Variants in CACHD1 observed in about 807,000 individuals in gnomAD.
The protein encoded by CACHD1 is cache domain containing 1.
In CACHD1, 71 loss-of-function variants were observed where a neutral mutation model predicts 138.7. That is an observed-to-expected ratio of 0.51 (90% CI 0.42 to 0.62). The LOEUF (loss-of-function observed/expected upper bound fraction) is 0.62, where lower values mean the gene tolerates loss of function less well. CACHD1 is among the 20% of genes least tolerant of loss of function. The pLI, the probability that CACHD1 is intolerant of heterozygous loss-of-function variation, is 0.00. For synonymous variants in CACHD1, 578 were observed against 591.5 expected, an observed-to-expected ratio of 0.98 and a Z score of 0.33; for missense variants, 1,389 against 1,625.3, an observed-to-expected ratio of 0.85 and a Z score of 2.50.
At chr1:64,569,644 G>A (rs1255497294) in intron 2 of CACHD1, among the ~76,000 whole-genome samples, 1 of 152,124 alleles carries the variant, frequency 6.6e-6, no homozygotes, top group Non-Finnish European at 1.5e-5. Context: ...CCAGCTGAAG[G>A]AAACACACTG....
intron 1 of CACHD1, among the ~76,000 whole-genome samples, chr1:64,539,624 G>A (rs544681015): frequency 6.6e-6 from 1 of 152,230 alleles, no homozygotes; most frequent in African/African-American, 2.4e-5. Context: ...TCCTTTGTAA[G>A]TTGAGGCCAA....
At chr1:64,683,686 A>G (rs1301986984) in intron 26 of CACHD1, among the ~76,000 whole-genome samples, 1 of 152,216 alleles carries the variant, frequency 6.6e-6, no homozygotes, top group Non-Finnish European at 1.5e-5. Flanking sequence ...AATTGGATCC[A>G]TGTTATCCCC....
chr1:64,596,920 A>G (rs1647157802), intron 3 of CACHD1, among the ~76,000 whole-genome samples: 1 of 152,084 alleles, frequency 6.6e-6, no homozygotes, highest in Non-Finnish European at 1.5e-5. Flanking sequence ...CTTGGAACTG[A>G]CACTGTGGGT....
intron 1 of CACHD1, among the ~76,000 whole-genome samples, chr1:64,548,184 G>T (rs1178901800): frequency 6.6e-6 from 1 of 152,242 alleles, no homozygotes; most frequent in Non-Finnish European, 1.5e-5. Flanking sequence ...GGAGAAGGAA[G>T]TATCTGATTT....
At chr1:64,577,412 AT>A (rs1646976738) in intron 2 of CACHD1, among the ~76,000 whole-genome samples, 3 of 152,228 alleles carry the variant, frequency 2.0e-5, no homozygotes, top group South Asian at 4.1e-4. Flanking sequence ...CCTGCCAAGC[AT>A]TTCACAACAT....
Position 64,646,850 on chromosome 1 carries a change from T to C in CACHD1, c.1157-951T>C, listed in dbSNP as rs545520433. Among the ~76,000 whole-genome samples, 14 of 152,336 alleles carry C rather than the reference T, an allele frequency of 9.2e-5. 1 individual carries two copies. The East Asian group carries it at 2.5e-3, about 27-fold the overall frequency. ...TCTATGTAGAAATGCTAAAGACATA[T>C]GTGGTAGATGAACCATGAAAGCTTC... On this transcript the variant is annotated intron_variant, in intron 8 of 26. Coordinates refer to ENST00000651257, the MANE Select transcript of CACHD1 (RefSeq NM_020925.4).
chr1:64,544,073 T>G (rs773026239), intron 1 of CACHD1, among the ~76,000 whole-genome samples: 4 of 152,066 alleles, frequency 2.6e-5, no homozygotes, highest in Non-Finnish European at 5.9e-5. Flanking sequence ...ACAGTGGTGA[T>G]CTATACTTTC....
chr1:64,560,615 C>G (rs1490258382), intron 2 of CACHD1, among the ~76,000 whole-genome samples: 2 of 151,794 alleles, frequency 1.3e-5, no homozygotes, highest in African/African-American at 2.4e-5. Context: ...TTTTATGGCT[C>G]TACATATGAT....
At chr1:64,494,733 G>A (rs1160353812) in intron 1 of CACHD1, among the ~76,000 whole-genome samples, 3 of 152,188 alleles carry the variant, frequency 2.0e-5, no homozygotes, top group African/African-American at 7.2e-5. Context: ...TTATTGGTAA[G>A]TAGAACTTAA....
chr1:64,483,198 A>C (rs12087064), intron 1 of CACHD1, among the ~76,000 whole-genome samples: 13,384 of 152,244 alleles, frequency 0.088, 1,420 homozygotes, highest in African/African-American at 0.26. Flanking sequence ...TCTAAGTATT[A>C]GTTGGTTCTA....
In CACHD1 at chr1:64,660,248, A is replaced by G. The variant is rs148734481; in HGVS notation, c.1951+1375A>G. 6.2e-3 allele frequency among the ~76,000 whole-genome samples: 948 copies of G among 152,288 alleles called. 6 individuals carry two copies. Among genetic ancestry groups the G allele is most frequent in the African/African-American group, 0.022 (914 of 41,558 alleles). On this transcript the variant is annotated intron_variant, in intron 13 of 26. Transcript: ENST00000651257. ...TTTGAAATTTGAGACAATAAATTACAATAGTTTTCTTGATGAAAAAGAAGC... is the reference window on the plus strand; with the variant it reads ...TTTGAAATTTGAGACAATAAATTACGATAGTTTTCTTGATGAAAAAGAAGC...
At chr1:64,630,670 A>G (rs1488927977) in intron 5 of CACHD1, among the ~76,000 whole-genome samples, 3 of 152,164 alleles carry the variant, frequency 2.0e-5, no homozygotes, top group Admixed American at 6.5e-5. Context: ...TGGAGACTGG[A>G]CCAGAAGCCA....
At chr1:64,579,530 A>T (rs564056094) in intron 2 of CACHD1, among the ~76,000 whole-genome samples, 1 of 152,216 alleles carries the variant, frequency 6.6e-6, no homozygotes, top group Admixed American at 6.5e-5. Flanking sequence ...CCCAAGGGCA[A>T]TAAAGGACTA....
chr1:64,629,315 T>C (rs762772594), intron 4 of CACHD1, 40 bp from the exon 5 acceptor site: 5 of 1,607,576 alleles, frequency 3.1e-6, no homozygotes, highest in Non-Finnish European at 3.4e-6. Context: ...CATGCACCTG[T>C]GGATTTGGTG....
In CACHD1 at chr1:64,685,956, C is replaced by A. The variant is rs183024240; in HGVS notation, c.3586+3850C>A. ...TTGACCTCCCTACCTCTGTGCCCAC[C>A]CTGCCCTGAAGAAATTTACAGTCTA... is the stretch of plus-strand genomic sequence containing the variant. On this transcript the variant is annotated intron_variant, in intron 26 of 26. Transcript: ENST00000651257. Among the ~76,000 whole-genome samples, 9 of 152,198 alleles carry A rather than the reference C, an allele frequency of 5.9e-5. No individual in the cohort carries two copies. In the South Asian group the frequency reaches 6.2e-4, roughly 11 times the overall value.
At chr1:64,653,934 T>C in intron 11 of CACHD1, 53 bp downstream of exon 11, 2 of 1,514,620 alleles carry the variant, frequency 1.3e-6, no homozygotes, top group Admixed American at 1.7e-5. Context: ...ATGGGACCCA[T>C]CAAAGCCACA....
At chr1:64,520,556 A>G (rs1249520746) in intron 1 of CACHD1, among the ~76,000 whole-genome samples, 2 of 152,176 alleles carry the variant, frequency 1.3e-5, no homozygotes, top group African/African-American at 4.8e-5. Flanking sequence ...CTCACATGCA[A>G]TATCTCATTA....
chr1:64,615,667 G>T (rs763118495), intron 4 of CACHD1, among the ~76,000 whole-genome samples: 1 of 152,134 alleles, frequency 6.6e-6, no homozygotes, highest in Non-Finnish European at 1.5e-5. Flanking sequence ...CAAGACTTTT[G>T]AAGGACTTCG....
At chr1:64,506,833 A>G (rs1646380687) in intron 1 of CACHD1, among the ~76,000 whole-genome samples, 1 of 152,194 alleles carries the variant, frequency 6.6e-6, no homozygotes. Flanking sequence ...TTTTCTGTGT[A>G]ATACATCAAA....
Sources: allele counts gnomAD v4.1 joint callset (sites outside exome capture counted in the v4.1 genomes callset), GRCh38; gene constraint gnomAD v4.1.1; transcripts MANE v1.5; gene names NCBI Gene and HGNC (gene_info 2026-07-23, HGNC 2026-07-21).